The following CFAP52 variants were observed in gnomAD, a reference collection of about 807,000 sequenced individuals.
CFAP52 encodes cilia and flagella associated protein 52.
CFAP52 carries 57 observed loss-of-function variants against 70.5 expected under a neutral mutation model. The observed-to-expected ratio is 0.81, with a 90% CI of 0.65 to 1.01. The LOEUF is 1.01. Among genes scored for constraint, CFAP52 ranks in the 50% least tolerant of loss-of-function variants. CFAP52 has a pLI of 0.00. For synonymous variants in CFAP52, 267 were observed against 292.5 expected, an observed-to-expected ratio of 0.91 and a Z score of 0.89; for missense variants, 785 against 788.5, an observed-to-expected ratio of 1.00 and a Z score of 0.05.
At chr17:9,586,245 T>TTTATTGCCTGAATG (rs1555540564) in intron 2 of CFAP52, among the ~76,000 whole-genome samples, 2 of 152,090 alleles carry the variant, frequency 1.3e-5, no homozygotes, top group Non-Finnish European at 2.9e-5. Context: ...GTCATGTTTG[T>TTTATTGCCTGAATG]AGAACCTGAT....
In CFAP52 at chr17:9,638,718, C is replaced by T. The variant is rs762064702; in HGVS notation, c.1575+7C>T. On this transcript the variant is annotated splice_region_variant and intron_variant, in intron 12 of 13. Transcript: ENST00000352665. ...CAGCGGAACAGACAGAAAGGTGAGTCCTCCCAGTGAGAGATGAGATCTTTC... is the reference window on the plus strand; with the variant it reads ...CAGCGGAACAGACAGAAAGGTGAGTTCTCCCAGTGAGAGATGAGATCTTTC... 4.4e-5 allele frequency: 71 copies of T among 1,612,938 alleles called. 1 individual carries two copies. In the South Asian group the frequency reaches 7.5e-4, roughly 17 times the overall value.
chr17:9,586,521 G>A (rs1342507940), intron 2 of CFAP52, among the ~76,000 whole-genome samples, 177 bp from the exon 3 acceptor site: 4 of 147,588 alleles, frequency 2.7e-5, no homozygotes, highest in Non-Finnish European at 4.4e-5. Flanking sequence ...CAGAGATCTC[G>A]CCATTGCACT....
In CFAP52 at chr17:9,600,126, G is replaced by A; in HGVS notation, c.696G>A (p.Met232Ile). Residue 232 changes from methionine (M) to isoleucine (I), a missense_variant, in exon 6 of 14, where the codon ATG becomes ATA. Coordinates refer to ENST00000352665, the MANE Select transcript of CFAP52 (RefSeq NM_145054.5). ...CCACGACTGGAGATATTCTAAAAAT[G>A]AACCCCAGGACTAAACTGCTGACAG... ...LGTTTGDILK[M>I]NPRTKLLTDV... is the part of the protein sequence containing the mutation. 6.2e-7 allele frequency: 1 copy of A among 1,614,040 alleles called. No individual in the cohort carries two copies.
Position 9,641,748 on chromosome 17 carries a change from G to T in CFAP52, c.1600G>T (p.Gly534Trp). Residue 534 changes from glycine to tryptophan, a missense_variant, in exon 13 of 14, where the codon GGG becomes TGG. By Grantham distance (184) the Gly-to-Trp change is radical. Coordinates refer to ENST00000352665, the MANE Select transcript of CFAP52 (RefSeq NM_145054.5). ...RKIAYWEVFD[G>W]TVIRELEGSL... is the part of the protein sequence containing the mutation. ...GATTGCTTACTGGGAAGTATTTGATGGGACAGTAATCAGAGAATTGGAAGG... is the reference window on the plus strand; with the variant it reads ...GATTGCTTACTGGGAAGTATTTGATTGGACAGTAATCAGAGAATTGGAAGG... 1 of 1,613,664 alleles carries T rather than the reference G, an allele frequency of 6.2e-7. No individual in the cohort carries two copies. The highest frequency in any genetic ancestry group is 8.5e-7 in the Non-Finnish European group (1 of 1,179,730).
chr17:9,635,553 T>G lies in CFAP52; in HGVS notation c.1469T>G (p.Leu490Arg). 6.2e-7 allele frequency: 1 copy of G among 1,614,180 alleles called. No individual in the cohort carries two copies. The stretch of plus-strand genomic sequence containing the variant: ...GATGGGACTTGTATCATTTGGGACC[T>G]TGTGTAGGTACCTGTGATGGGGAGG... ...STDGTCIIWD[L>R]VRLRRNQMIL... Residue 490 changes from leucine (L) to arginine (R), a missense_variant, in exon 11 of 14, where the codon CTT becomes CGT. Coordinates refer to ENST00000352665, the MANE Select transcript of CFAP52 (RefSeq NM_145054.5).
intron 9 of CFAP52, among the ~76,000 whole-genome samples, chr17:9,630,396 A>G (rs1910421315): frequency 6.7e-6 from 1 of 148,438 alleles, no homozygotes; most frequent in African/African-American, 2.5e-5. Context: ...GATTACAAGC[A>G]TGCGCCACCA....
chr17:9,632,410 A>C (rs2151950240), intron 9 of CFAP52, among the ~76,000 whole-genome samples: 1 of 152,088 alleles, frequency 6.6e-6, no homozygotes, highest in South Asian at 2.1e-4. Flanking sequence ...TAAAAAAGGA[A>C]GTTCTTGATC....
rs1201590754 is a variant in CFAP52 at position 9,600,063 on chromosome 17, T to G, written c.637-4T>G. 3 of 1,612,740 alleles carry G rather than the reference T, an allele frequency of 1.9e-6. No individual in the cohort carries two copies. The highest frequency in any genetic ancestry group is 2.5e-6 in the Non-Finnish European group (3 of 1,179,090). ...GCCAAGATTTCTTTTTCTTGCTTCTTCAGGTGGATGATGATGATAGCTTTT... is the reference window on the plus strand; with the variant it reads ...GCCAAGATTTCTTTTTCTTGCTTCTGCAGGTGGATGATGATGATAGCTTTT... On this transcript the variant is annotated splice_polypyrimidine_tract_variant and splice_region_variant and intron_variant, in intron 5 of 13. Transcript: ENST00000352665.
chr17:9,610,530 C>CT (rs1909673044), intron 7 of CFAP52, among the ~76,000 whole-genome samples: 2 of 142,866 alleles, frequency 1.4e-5, no homozygotes, highest in African/African-American at 5.6e-5. Flanking sequence ...TTCCTTTCCC[C>CT]ATTTTTTTTT....
At chr17:9,608,015 C>T in intron 6 of CFAP52, 104 bp from the exon 7 acceptor site, 29 of 764,166 alleles carry the variant, frequency 3.8e-5, no homozygotes, top group South Asian at 1.7e-4. Context: ...TTTTTATTGC[C>T]ATATGTTTTT....
chr17:9,641,409 G>A (rs556796232), intron 12 of CFAP52, among the ~76,000 whole-genome samples: 21 of 152,318 alleles, frequency 1.4e-4, no homozygotes, highest in African/African-American at 4.6e-4. Context: ...AGCTGTGGAT[G>A]CAGAGGCTGT....
At chr17:9,638,001 T>A (rs554519502) in intron 11 of CFAP52, among the ~76,000 whole-genome samples, 1 of 152,296 alleles carries the variant, frequency 6.6e-6, no homozygotes, top group South Asian at 2.1e-4. Flanking sequence ...TCTTACCATA[T>A]GCAGACAAGG....
chr17:9,633,132 T>C, intron 10 of CFAP52, 99 bp downstream of exon 10: 2 of 1,394,640 alleles, frequency 1.4e-6, no homozygotes, highest in Admixed American at 2.6e-5. Context: ...CCTTTGCTAG[T>C]ATTCAAGCAG....
downstream of CFAP52, chr17:9,645,288 A>T: frequency 5.6e-6 from 1 of 179,742 alleles, no homozygotes; most frequent in African/African-American, 2.3e-5. This position sits in a 1 kb window ranked among gnomAD's most constrained non-coding sequence, Gnocchi z 6.8. Flanking sequence ...CCACTGCTTG[A>T]AGGCTGCTCG....
chr17:9,613,948 A>G (rs1909807262), intron 8 of CFAP52, among the ~76,000 whole-genome samples: 1 of 151,940 alleles, frequency 6.6e-6, no homozygotes, highest in African/African-American at 2.4e-5. Context: ...TTTGTTTGCA[A>G]GTTGGTCATT....
chr17:9,615,795 CTT>C (rs1190663709), intron 8 of CFAP52, among the ~76,000 whole-genome samples: 1,378 of 67,412 alleles, frequency 0.02, 14 homozygotes, highest in Non-Finnish European at 0.032. Flanking sequence ...AAAAAAAATT[CTT>C]TTTTTTTTTT....
rs547823166 is a variant in CFAP52, at chr17:9,602,370, C to T, written c.753+2187C>T. ...ACTCTCACTTATGAATGAGAACATG[C>T]GGTGTTTGGTTTTCTGTTCCTGTTT... On this transcript the variant is annotated intron_variant, in intron 6 of 13. Coordinates refer to ENST00000352665, the MANE Select transcript of CFAP52 (RefSeq NM_145054.5). Among the ~76,000 whole-genome samples, 12 of 128,866 alleles carry T rather than the reference C, an allele frequency of 9.3e-5. No individual in the cohort carries two copies. The East Asian group carries it at 2.1e-3, about 23-fold the overall frequency. The allele number at this position is 128,866 out of a possible 152,430, so 84.5% of individuals were successfully genotyped here.
chr17:9,589,698 A>T (rs1597767288), intron 3 of CFAP52, among the ~76,000 whole-genome samples: 1 of 148,342 alleles, frequency 6.7e-6, no homozygotes, highest in Middle Eastern at 3.6e-3. Context: ...GTGCCATTGC[A>T]CTCCAGCCTG....
intron 1 of CFAP52, among the ~76,000 whole-genome samples, chr17:9,578,081 G>C (rs752733752): frequency 6.6e-6 from 1 of 152,180 alleles, no homozygotes; most frequent in Non-Finnish European, 1.5e-5. Flanking sequence ...GACAGAGCGA[G>C]ACTCCGTCTC....
Sources: gnomAD v4.1 joint callset for allele counts (sites outside exome capture counted in the v4.1 genomes callset) on GRCh38, gnomAD v4.1.1 for gene constraint, Gnocchi (gnomAD v3.1) non-coding constraint, MANE v1.5 for transcripts, NCBI Gene and HGNC (gene_info 2026-07-23, HGNC 2026-07-21) for gene names.